SNX29: variants seen among roughly 807,000 people sequenced by gnomAD.
SNX29 encodes sorting nexin 29.
In SNX29, 78 loss-of-function variants were observed where a neutral mutation model predicts 102.1. The observed-to-expected ratio is 0.76, with a 90% CI of 0.64 to 0.92. The LOEUF is 0.92. Ranked by LOEUF, SNX29 falls within the 40% of genes least tolerant of loss-of-function variation. SNX29 has a pLI of 0.00. For missense variants in SNX29, 1,280 were observed against 1,061.7 expected (o/e 1.21, Z -2.86); for synonymous variants, 580 against 414.5 (o/e 1.40, Z -4.85).
chr16:12,043,330 A>G (rs2049961830), intron 5 of SNX29, among the ~76,000 whole-genome samples: 1 of 151,412 alleles, frequency 6.6e-6, no homozygotes, highest in Non-Finnish European at 1.5e-5. Flanking sequence ...TTGTCTTAGG[A>G]CATAGCTTCC....
At chr16:12,443,565 C>G (rs574705489) in intron 18 of SNX29, among the ~76,000 whole-genome samples, 2 of 152,334 alleles carry the variant, frequency 1.3e-5, no homozygotes, top group South Asian at 4.1e-4. Flanking sequence ...ATTCTCCTGC[C>G]TCAGCCTCCC....
chr16:12,188,401 T>C (rs760056358), intron 13 of SNX29, among the ~76,000 whole-genome samples: 1 of 152,206 alleles, frequency 6.6e-6, no homozygotes, highest in Admixed American at 6.5e-5. Context: ...CACTTTTTAA[T>C]GGCACAAAGT....
intron 19 of SNX29, among the ~76,000 whole-genome samples, chr16:12,519,704 T>G (rs1450813390): frequency 6.6e-6 from 1 of 152,230 alleles, no homozygotes; most frequent in African/African-American, 2.4e-5. Context: ...TTTAAAATTT[T>G]TCAGCAATCC....
At chr16:12,201,939 A>G (rs890452406) in intron 14 of SNX29, among the ~76,000 whole-genome samples, 5 of 152,196 alleles carry the variant, frequency 3.3e-5, no homozygotes, top group Admixed American at 1.3e-4. Flanking sequence ...AAATGGGCCT[A>G]TGGAACCTAC....
chr16:12,483,468 C>A (rs1328843519), intron 19 of SNX29, among the ~76,000 whole-genome samples: 1 of 151,750 alleles, frequency 6.6e-6, no homozygotes. Context: ...CAGGTGTGTG[C>A]CACCACGCCT....
chr16:12,384,510 G>A (rs531021072), intron 16 of SNX29, among the ~76,000 whole-genome samples: 2 of 152,280 alleles, frequency 1.3e-5, no homozygotes, highest in African/African-American at 4.8e-5. Flanking sequence ...CCATTTGTAT[G>A]TCTACTTTTG....
chr16:12,540,295 C>A (rs76856542), intron 20 of SNX29, among the ~76,000 whole-genome samples: 1 of 152,100 alleles, frequency 6.6e-6, no homozygotes, highest in East Asian at 1.9e-4. Flanking sequence ...AGAGGCATTA[C>A]GGGGTGGCCC....
intron 14 of SNX29, among the ~76,000 whole-genome samples, chr16:12,237,603 C>T (rs1011252866): frequency 4.0e-5 from 6 of 151,542 alleles, no homozygotes; most frequent in Admixed American, 3.9e-4. Flanking sequence ...AAACCCCCGT[C>T]TCTACTAAAA....
chr16:12,559,772 G>C (rs148384423), intron 20 of SNX29, among the ~76,000 whole-genome samples: 1 of 152,068 alleles, frequency 6.6e-6, no homozygotes, highest in African/African-American at 2.4e-5. Context: ...CACTCTGAAA[G>C]CATTACACAG....
chr16:12,017,971 T>C (rs574076578), intron 3 of SNX29, among the ~76,000 whole-genome samples: 1 of 152,240 alleles, frequency 6.6e-6, no homozygotes, highest in East Asian at 1.9e-4. Flanking sequence ...AATGGCGCGA[T>C]CTTGGCTCAC....
At chr16:12,476,606 T>C (rs1325285926) in intron 18 of SNX29, among the ~76,000 whole-genome samples, 1 of 150,826 alleles carries the variant, frequency 6.6e-6, no homozygotes, top group Admixed American at 6.7e-5. Context: ...TATTGCTCCT[T>C]AAGGTCATCA....
chr16:12,131,312 C>T (rs769149149), intron 13 of SNX29, among the ~76,000 whole-genome samples: 1 of 152,326 alleles, frequency 6.6e-6, no homozygotes, highest in Middle Eastern at 3.4e-3. Context: ...TGTTTATATA[C>T]TATTAAAGAA....
chr16:12,321,648 G>C lies in SNX29; in HGVS notation c.1783-34515G>C, dbSNP rs1240999973. 4.6e-5 allele frequency among the ~76,000 whole-genome samples: 7 copies of C among 152,178 alleles called. 1 individual carries two copies. On this transcript the variant is annotated intron_variant, in intron 15 of 20. Transcript: ENST00000566228. ...CAAAGAGGGCGCTGAGAGCTGGGCTGAAAGCGCACGCTGGAGTGAGTGTGT... is the reference window on the plus strand; with the variant it reads ...CAAAGAGGGCGCTGAGAGCTGGGCTCAAAGCGCACGCTGGAGTGAGTGTGT...
At chr16:12,071,884 C>T (rs2051316565) in intron 10 of SNX29, among the ~76,000 whole-genome samples, 1 of 152,200 alleles carries the variant, frequency 6.6e-6, no homozygotes, top group Admixed American at 6.5e-5. Flanking sequence ...AGAGGTCCTT[C>T]ACGTCCCTTG....
At chr16:12,180,185 AAAAC>A (rs1463092585) in intron 13 of SNX29, among the ~76,000 whole-genome samples, 3 of 152,104 alleles carry the variant, frequency 2.0e-5, no homozygotes, top group Non-Finnish European at 4.4e-5. Context: ...TTTTCTAAAA[AAAAC>A]AAACAAAAAA....
chr16:12,020,068 A>C (rs1031248473), intron 3 of SNX29, among the ~76,000 whole-genome samples: 3 of 152,130 alleles, frequency 2.0e-5, no homozygotes, highest in South Asian at 2.1e-4. Flanking sequence ...TAAAGACCTA[A>C]ATAGCTATTG....
chr16:12,335,004 C>T (rs546356597), intron 15 of SNX29, among the ~76,000 whole-genome samples: 193 of 148,178 alleles, frequency 1.3e-3, no homozygotes, highest in African/African-American at 4.4e-3. Flanking sequence ...AGCGAATATG[C>T]GTCAGAAAAC....
Position 12,061,559 on chromosome 16 carries a change from A to G in SNX29, c.1156A>G (p.Met386Val), listed in dbSNP as rs537628809. The change falls in exon 9 of 21, where the codon ATG (methionine) becomes GTG (valine). Residue 386 changes from methionine (M) to valine (V), a missense_variant. Met to Val is a conservative substitution (Grantham distance 21). Transcript: ENST00000566228. ...GGAAGGGAACACCTGCCTCTCCCAG[A>G]TGCACAGCTGGGCTCCGCTGAAGGT... Reference protein sequence around the residue: ...PLEGNTCLSQMHSWAPLKVLH... With the variant: ...PLEGNTCLSQVHSWAPLKVLH... 12 of 1,609,850 alleles carry G rather than the reference A, an allele frequency of 7.5e-6. No homozygotes were observed. Among genetic ancestry groups the G allele is most frequent in the East Asian group, 2.2e-5 (1 of 44,858 alleles).
chr16:12,330,455 C>T (rs774950875), intron 15 of SNX29, among the ~76,000 whole-genome samples: 34 of 152,146 alleles, frequency 2.2e-4, no homozygotes, highest in African/African-American at 7.2e-4. Context: ...ATGGGCTTGA[C>T]GGTCATAAGT....
Sources: allele counts gnomAD v4.1 joint callset (sites outside exome capture counted in the v4.1 genomes callset), GRCh38; gene constraint gnomAD v4.1.1; transcripts MANE v1.5; gene names NCBI Gene and HGNC (gene_info 2026-07-23, HGNC 2026-07-21).